The following SBNO2 variants were observed in gnomAD, a reference collection of about 807,000 sequenced individuals.
SBNO2 encodes protein strawberry notch homolog 2.
In SBNO2, 89 loss-of-function variants were observed where a neutral mutation model predicts 146.3. The ratio of observed to expected loss-of-function variants is 0.61; its 90% CI spans 0.51 to 0.73. The LOEUF is 0.73. Ranked by LOEUF, SBNO2 falls within the 30% of genes least tolerant of loss-of-function variation. The pLI, the probability that SBNO2 is intolerant of heterozygous loss-of-function variation, is 0.00. For synonymous variants in SBNO2, 1,147 were observed against 892.6 expected, an observed-to-expected ratio of 1.29 and a Z score of -5.08; for missense variants, 2,092 against 2,003.7, an observed-to-expected ratio of 1.04 and a Z score of -0.84.
In SBNO2 at chr19:1,112,014, C is replaced by T. The variant is rs912684592; in HGVS notation, c.2682G>A (p.Lys894=). The T allele has an allele frequency of 1.9e-6, 3 of 1,610,804 alleles. No individual in the cohort carries two copies. The highest frequency in any genetic ancestry group is 2.5e-6 in the Non-Finnish European group (3 of 1,178,988). ...GCAGTACCTTGTTCTCAAAGTTGTACTTGCTGAGGTCACGGGACTCCGTGG... is the reference window on the plus strand; with the variant it reads ...GCAGTACCTTGTTCTCAAAGTTGTATTTGCTGAGGTCACGGGACTCCGTGG... ...RRATESRDLS[K]YNFENKYGTR... is the part of the protein sequence containing the mutation. Residue 894 remains lysine (K), a synonymous_variant, in exon 23 of 32, where the codon AAG becomes AAA. Transcript: ENST00000361757. This position sits in a 1 kb window ranked among gnomAD's most constrained non-coding sequence, Gnocchi z 5.9.
intron 1 of SBNO2, among the ~76,000 whole-genome samples, chr19:1,167,723 T>TG (rs898060093): frequency 1.3e-5 from 2 of 151,190 alleles, no homozygotes; most frequent in African/African-American, 4.9e-5. Context: ...CTCCAGGGGG[T>TG]GGGGGGGACG....
Position 1,117,190 on chromosome 19 carries a change from C to T in SBNO2, c.1704+133G>A, listed in dbSNP as rs10421058. 7,668 of 936,522 alleles carry T rather than the reference C, an allele frequency of 8.2e-3. 404 individuals are homozygous for T. The African/African-American group carries it at 0.11, about 14-fold the overall frequency. The allele number at this position is 936,522 out of a possible 1,614,324, so 58.0% of individuals were successfully genotyped here. On this transcript the variant is annotated intron_variant, in intron 15 of 31. Transcript: ENST00000361757. ...TGGCTCTGATTGGAAGACGGACATC[C>T]GGGCGTCTCTCACCCACCAGGGTGC...
chr19:1,108,758 G>T, intron 31 of SBNO2, 21 bp downstream of exon 31: 1 of 1,595,860 alleles, frequency 6.3e-7, no homozygotes, highest in Non-Finnish European at 8.5e-7. Flanking sequence ...GGCCTTCCCG[G>T]GGCGCCCGCC....
chr19:1,171,573 G>T (rs2080478002), intron 1 of SBNO2, among the ~76,000 whole-genome samples: 1 of 152,166 alleles, frequency 6.6e-6, no homozygotes, highest in Non-Finnish European at 1.5e-5. Flanking sequence ...GGGGCCTCTG[G>T]GAGCCGGACT....
chr19:1,149,634 A>C (rs1315732113), intron 2 of SBNO2, among the ~76,000 whole-genome samples, 192 bp from the exon 3 acceptor site: 2 of 152,042 alleles, frequency 1.3e-5, no homozygotes, highest in African/African-American at 4.8e-5. Flanking sequence ...CCTGCACAAG[A>C]CCCCACCCAA....
In SBNO2 at chr19:1,110,342, G is replaced by A. The variant is rs1366218140; in HGVS notation, c.3028+403C>T. ...TTCACAACAATGTAGCAGGTGCCCC[G>A]TGAAGCCTGGGGATGAGCATGGTGG... On this transcript the variant is annotated intron_variant, in intron 26 of 31. Transcript: ENST00000361757. This position sits in a 1 kb window ranked among gnomAD's most constrained non-coding sequence, Gnocchi z 4.9. Among the ~76,000 whole-genome samples the A allele has an allele frequency of 2.0e-5, 3 of 152,116 alleles. No homozygotes were observed. Among genetic ancestry groups the A allele is most frequent in the South Asian group, 2.1e-4 (1 of 4,834 alleles).
chr19:1,108,812 G>A lies in SBNO2; in HGVS notation c.3583C>T (p.Arg1195Trp), dbSNP rs2079711256. 6.2e-7 allele frequency: 1 copy of A among 1,602,802 alleles called. No homozygotes were observed. Residue 1195 changes from arginine to tryptophan, a missense_variant, in exon 31 of 32, where the codon CGG becomes TGG. Transcript: ENST00000361757. ...TTCTTCCTGTCCTTGGTCTTCAGCCGCACGATCTGCAGGTAGCTGCTGCTG... is the reference window on the plus strand; with the variant it reads ...TTCTTCCTGTCCTTGGTCTTCAGCCACACGATCTGCAGGTAGCTGCTGCTG... ...VSSSSYLQIV[R>W]LKTKDRKKQV...
rs978126476 is a variant in SBNO2 at position 1,157,617 on chromosome 19, G to A, written c.-126-3215C>T. Among the ~76,000 whole-genome samples the A allele has an allele frequency of 4.6e-5, 7 of 152,310 alleles. No individual in the cohort carries two copies. Among genetic ancestry groups the A allele is most frequent in the African/African-American group, 1.4e-4 (6 of 41,568 alleles). On this transcript the variant is annotated intron_variant, in intron 1 of 31. Coordinates refer to ENST00000361757, the MANE Select transcript of SBNO2 (RefSeq NM_014963.3). The surrounding 1 kb of genome is among the most constrained non-coding windows in gnomAD (Gnocchi z 6.8). ...GTTCCCACCTTGGGAGGGGGCCCGC[G>A]CTTTATCAGCACGCTGACACCCAGA...
At chr19:1,139,669 C>T (rs889563929) in intron 4 of SBNO2, among the ~76,000 whole-genome samples, 2 of 152,140 alleles carry the variant, frequency 1.3e-5, no homozygotes, top group Non-Finnish European at 2.9e-5. Flanking sequence ...GTGGCGCACA[C>T]CTGTAATCCC....
chr19:1,168,983 C>T (rs1568653609), intron 1 of SBNO2: 2 of 152,288 alleles, frequency 1.3e-5, no homozygotes, highest in African/African-American at 2.4e-5. Context: ...ACTTTCAAAA[C>T]GCAGCGGGGC....
At position 1,150,134 on chromosome 19, in the gene SBNO2, G is replaced by A. The variant is rs1458784206; in HGVS notation, c.94-692C>T. 6.6e-6 allele frequency among the ~76,000 whole-genome samples: 1 copy of A among 152,114 alleles called. No homozygotes were observed. The highest frequency in any genetic ancestry group is 2.4e-5 in the African/African-American group (1 of 41,408). ...GAATCTCTGGTGGGTCTGACTCCAGGCCAGGCTTACCCAACACCCTCGCCA... is the reference window on the plus strand; with the variant it reads ...GAATCTCTGGTGGGTCTGACTCCAGACCAGGCTTACCCAACACCCTCGCCA... On this transcript the variant is annotated intron_variant, in intron 2 of 31. Transcript: ENST00000361757. This position sits in a 1 kb window ranked among gnomAD's most constrained non-coding sequence, Gnocchi z 6.2.
rs1301259137 is a variant in SBNO2, at chr19:1,173,811, GGTCACCAAGCTGCGCGGTACAGGGA to G, written c.-127+336_-127+360del. On this transcript the variant is annotated intron_variant, in intron 1 of 31. Transcript: ENST00000361757. The surrounding 1 kb of genome is among the most constrained non-coding windows in gnomAD (Gnocchi z 4.7). The stretch of plus-strand genomic sequence containing the variant: ...GGTTACCAGAAAACGAAAGGTCGGG[GGTCACCAAGCTGCGCGGTACAGGGA>G]GTCACCCGGAAGAGCGGGAAGGAAA... The G allele has an allele frequency of 1.2e-4, 19 of 152,334 alleles. No individual in the cohort carries two copies. The highest frequency in any genetic ancestry group is 4.1e-4 in the African/African-American group (17 of 41,388). The allele number at this position is 152,334 out of a possible 1,614,324, so 9.4% of individuals were successfully genotyped here. A position where few individuals can be genotyped will look rare whatever the true frequency, so the allele number is the denominator to read the frequency against.
At chr19:1,123,768 C>A in intron 6 of SBNO2, 129 bp from the exon 7 acceptor site, 1 of 1,096,430 alleles carries the variant, frequency 9.1e-7, no homozygotes, top group Middle Eastern at 2.9e-4. Flanking sequence ...ACGGCTCTGT[C>A]TGCCCCTGCA....
chr19:1,139,500 G>A (rs1172609645), intron 4 of SBNO2, among the ~76,000 whole-genome samples: 2 of 151,742 alleles, frequency 1.3e-5, no homozygotes, highest in Non-Finnish European at 2.9e-5. Context: ...TGAGTCTCAC[G>A]TGACAGAAAA....
Position 1,136,643 on chromosome 19 carries a change from C to A in SBNO2, c.280-8878G>T, listed in dbSNP as rs538140404. On this transcript the variant is annotated intron_variant, in intron 4 of 31. Transcript: ENST00000361757. This position sits in a 1 kb window ranked among gnomAD's most constrained non-coding sequence, Gnocchi z 4.2. The stretch of plus-strand genomic sequence containing the variant: ...AATCCCCCTCTCCCTCTCCCTCCTT[C>A]GCTCCCTCATCTCTCTCCCTCTTTT... 2.1e-4 allele frequency among the ~76,000 whole-genome samples: 32 copies of A among 152,338 alleles called. No homozygotes were observed. Among genetic ancestry groups the A allele is most frequent in the African/African-American group, 7.2e-4 (30 of 41,578 alleles).
Position 1,112,254 on chromosome 19 carries a change from G to T in SBNO2, c.2563C>A (p.Leu855Ile). 1 of 1,593,586 alleles carries T rather than the reference G, an allele frequency of 6.3e-7. No individual in the cohort carries two copies. The highest frequency in any genetic ancestry group is 8.5e-7 in the Non-Finnish European group (1 of 1,170,644). The change falls in exon 22 of 32, where the codon CTC becomes ATC. Residue 855 changes from leucine (L) to isoleucine (I), a missense_variant. Physicochemically the swap from Leu to Ile is conservative, Grantham distance 5. Coordinates refer to ENST00000361757, the MANE Select transcript of SBNO2 (RefSeq NM_014963.3). This position sits in a 1 kb window ranked among gnomAD's most constrained non-coding sequence, Gnocchi z 5.9. Reference sequence around the variant, plus strand: ...CGCTCCCCGGCCAGCTCCGAGATGAGGAAGACATACTCTGGCGCGGAGACC... The same window carrying T: ...CGCTCCCCGGCCAGCTCCGAGATGATGAAGACATACTCTGGCGCGGAGACC... The part of the protein sequence containing the change: ...NQVSAPEYVF[L>I]ISELAGERRF...
chr19:1,116,186 G>A, intron 16 of SBNO2, 83 bp from the exon 17 acceptor site: 3 of 1,271,428 alleles, frequency 2.4e-6, no homozygotes, highest in Non-Finnish European at 3.3e-6. Flanking sequence ...ACGCACCCCT[G>A]GGTCCCTGTG....
chr19:1,170,711 C>T (rs919553128), intron 1 of SBNO2, among the ~76,000 whole-genome samples: 4 of 152,040 alleles, frequency 2.6e-5, no homozygotes, highest in African/African-American at 7.2e-5. Context: ...AGCAGGGGTG[C>T]ATGAGAACAC....
chr19:1,169,402 G>GCCTCCGCCTGGACCACCAGGCAC (rs1366270812), intron 1 of SBNO2, among the ~76,000 whole-genome samples: 1 of 152,206 alleles, frequency 6.6e-6, no homozygotes, highest in Admixed American at 6.5e-5. Flanking sequence ...CTCTCACGGG[G>GCCTCCGCCTGGACCACCAGGCAC]CCTCCGCCTG....
Sources: gnomAD v4.1 joint callset for allele counts (sites outside exome capture counted in the v4.1 genomes callset) on GRCh38, gnomAD v4.1.1 for gene constraint, Gnocchi (gnomAD v3.1) non-coding constraint, MANE v1.5 for transcripts, NCBI Gene and HGNC (gene_info 2026-07-23, HGNC 2026-07-21) for gene names.